SNTB1: variants seen among roughly 807,000 people sequenced by gnomAD.
SNTB1 encodes the protein syntrophin beta 1, also known as beta-1-syntrophin.
In SNTB1, 36 loss-of-function variants were observed where a neutral mutation model predicts 48.9. The ratio of observed to expected loss-of-function variants is 0.74; its 90% CI spans 0.56 to 0.97. The LOEUF (loss-of-function observed/expected upper bound fraction) is 0.97. Among genes scored for constraint, SNTB1 ranks in the 50% least tolerant of loss-of-function variants. The pLI, the probability that SNTB1 is intolerant of heterozygous loss-of-function variation, is 0.00. For synonymous variants in SNTB1, 299 were observed against 294.6 expected, an observed-to-expected ratio of 1.01 and a Z score of -0.15; for missense variants, 786 against 703.4, an observed-to-expected ratio of 1.12 and a Z score of -1.33.
chr8:120,642,016 C>G (rs1817204085), intron 2 of SNTB1, among the ~76,000 whole-genome samples: 1 of 152,156 alleles, frequency 6.6e-6, no homozygotes, highest in South Asian at 2.1e-4. Context: ...TATTTGCATG[C>G]AAATTATAGG....
intron 2 of SNTB1, among the ~76,000 whole-genome samples, chr8:120,658,451 T>C (rs1438374695): frequency 1.3e-5 from 2 of 152,226 alleles, no homozygotes; most frequent in Admixed American, 6.5e-5. Flanking sequence ...AGAGATATCA[T>C]GGGTTCAGTT....
chr8:120,758,926 C>CTTAT (rs946102504), intron 1 of SNTB1, among the ~76,000 whole-genome samples: 3 of 152,074 alleles, frequency 2.0e-5, no homozygotes, highest in African/African-American at 4.8e-5. Flanking sequence ...CAGCAACCCA[C>CTTAT]TTATTTATTT....
chr8:120,750,819 C>A (rs1819200661), intron 1 of SNTB1, among the ~76,000 whole-genome samples: 1 of 152,040 alleles, frequency 6.6e-6, no homozygotes, highest in Non-Finnish European at 1.5e-5. Flanking sequence ...CTTCCCTCTT[C>A]CAAGCAGAAT....
intron 1 of SNTB1, among the ~76,000 whole-genome samples, chr8:120,747,466 T>C (rs928004403): frequency 3.9e-5 from 6 of 152,126 alleles, no homozygotes; most frequent in Non-Finnish European, 8.8e-5. Context: ...CATTTTTGTA[T>C]TTTTAGTAGA....
intron 3 of SNTB1, among the ~76,000 whole-genome samples, chr8:120,598,989 C>T (rs1174198848): frequency 6.6e-6 from 1 of 152,126 alleles, no homozygotes; most frequent in Non-Finnish European, 1.5e-5. Context: ...GTCTGCATGG[C>T]AAGGTCTTCA....
intron 2 of SNTB1, among the ~76,000 whole-genome samples, chr8:120,663,297 C>A (rs1026040398): frequency 2.0e-5 from 3 of 152,132 alleles, no homozygotes; most frequent in Admixed American, 6.5e-5. Context: ...GTTAACTAAG[C>A]CAAAAAGGAA....
Position 120,811,940 on chromosome 8 carries a change from G to C in SNTB1, c.-97C>G, listed in dbSNP as rs1384957816. ...GACGCGGGGCCCGGGGGAGCGAGGA[G>C]AGTGCGTCCCGCGGGGAGGTGGCGG... On this transcript the variant is annotated 5_prime_UTR_variant, in exon 1 of 7. Transcript: ENST00000517992. 1.6e-6 allele frequency: 2 copies of C among 1,276,270 alleles called. No homozygotes were observed. The allele number at this position is 1,276,270 out of a possible 1,614,324, so 79.1% of individuals were successfully genotyped here. A position where few individuals can be genotyped will look rare whatever the true frequency, so the allele number is the denominator to read the frequency against.
chr8:120,702,248 T>C (rs898888778), intron 1 of SNTB1, among the ~76,000 whole-genome samples: 2 of 152,044 alleles, frequency 1.3e-5, no homozygotes, highest in Non-Finnish European at 2.9e-5. Context: ...AAGCAGACAA[T>C]ATAGGGCATT....
At chr8:120,798,008 A>G (rs1230490910) in intron 1 of SNTB1, among the ~76,000 whole-genome samples, 1 of 152,008 alleles carries the variant, frequency 6.6e-6, no homozygotes, top group Non-Finnish European at 1.5e-5. Context: ...GAGGTGTGCT[A>G]AAAATGTCTT....
chr8:120,561,964 TG>T (rs936713506), intron 4 of SNTB1, among the ~76,000 whole-genome samples: 3 of 152,202 alleles, frequency 2.0e-5, no homozygotes, highest in Admixed American at 1.3e-4. Flanking sequence ...ATAGCTCTGT[TG>T]TGTGTGCCAA....
intron 3 of SNTB1, among the ~76,000 whole-genome samples, chr8:120,619,308 T>TAGAG (rs200642810): frequency 6.8e-6 from 1 of 147,712 alleles, no homozygotes; most frequent in Admixed American, 6.7e-5. Context: ...CATATATATA[T>TAGAG]ATAGAGAGAG....
Position 120,535,856 on chromosome 8 carries a change from A to C in SNTB1, c.*3021T>G, listed in dbSNP as rs568201773. 1.3e-5 allele frequency: 2 copies of C among 152,262 alleles called. No individual in the cohort carries two copies. Among genetic ancestry groups the C allele is most frequent in the African/African-American group, 4.8e-5 (2 of 41,546 alleles). 9.4% of individuals were successfully genotyped at this position (152,262 alleles called of 1,614,324 possible). A position where few individuals can be genotyped will look rare whatever the true frequency, so the allele number is the denominator to read the frequency against. ...TTTAAAAGTCCAGATACATCCAAAA[A>C]TTACCCCCTCACTGTAGCCTACTCC... On this transcript the variant is annotated 3_prime_UTR_variant, in exon 7 of 7. Transcript: ENST00000517992.
chr8:120,580,961 C>T (rs953483636), intron 3 of SNTB1, among the ~76,000 whole-genome samples: 1 of 151,898 alleles, frequency 6.6e-6, no homozygotes. Flanking sequence ...TGCTGGCTCA[C>T]GTCTGTAACC....
At chr8:120,561,235 G>A (rs541262721) in intron 4 of SNTB1, among the ~76,000 whole-genome samples, 16 of 147,240 alleles carry the variant, frequency 1.1e-4, no homozygotes, top group African/African-American at 2.5e-4. Flanking sequence ...GCTGAGGATC[G>A]CTTGAACCCA....
chr8:120,594,343 T>A (rs1816290631), intron 3 of SNTB1, among the ~76,000 whole-genome samples: 1 of 152,176 alleles, frequency 6.6e-6, no homozygotes, highest in South Asian at 2.1e-4. Context: ...GTTCCAGTGA[T>A]TCTCTTACCT....
At chr8:120,580,625 C>T (rs1019967114) in intron 3 of SNTB1, among the ~76,000 whole-genome samples, 1 of 152,164 alleles carries the variant, frequency 6.6e-6, no homozygotes, top group Non-Finnish European at 1.5e-5. Flanking sequence ...TATTGCAGAT[C>T]GTGTTTATCT....
chr8:120,728,512 C>T (rs1427273346), intron 1 of SNTB1, among the ~76,000 whole-genome samples: 1 of 152,044 alleles, frequency 6.6e-6, no homozygotes, highest in East Asian at 1.9e-4. Context: ...GCTAGTAGTC[C>T]CCATTGTCTA....
chr8:120,811,654 T>C lies in SNTB1; in HGVS notation c.190A>G (p.Thr64Ala). 6.3e-7 allele frequency: 1 copy of C among 1,593,912 alleles called. No individual in the cohort carries two copies. Among genetic ancestry groups the C allele is most frequent in the Non-Finnish European group, 8.5e-7 (1 of 1,173,682 alleles). The change falls in exon 1 of 7, where the codon ACC (threonine) becomes GCC (alanine). Residue 64 changes from threonine (T) to alanine (A), a missense_variant. By Grantham distance (58) the Thr-to-Ala change is moderately conservative. Coordinates refer to ENST00000517992, the MANE Select transcript of SNTB1 (RefSeq NM_021021.4). ...AAAYNGIGTATNGSFCRGAGA... is the reference protein window; with the variant it reads ...AAAYNGIGTAANGSFCRGAGA... ...GCGCCCCTGCAGAACGAGCCATTGG[T>C]GGCGGTCCCGATGCCGTTGTACGCC...
intron 1 of SNTB1, among the ~76,000 whole-genome samples, chr8:120,724,991 A>G (rs1271538303): frequency 6.6e-6 from 1 of 152,194 alleles, no homozygotes; most frequent in African/African-American, 2.4e-5. Flanking sequence ...CTTGAACCAC[A>G]TCTTATTTTA....
Sources: gnomAD v4.1 joint callset for allele counts (sites outside exome capture counted in the v4.1 genomes callset) on GRCh38, gnomAD v4.1.1 for gene constraint, MANE v1.5 for transcripts, NCBI Gene and HGNC (gene_info 2026-07-23, HGNC 2026-07-21) for gene names.